CD226: variants seen among roughly 807,000 people sequenced by gnomAD.
The protein encoded by CD226 is CD226 antigen.
In CD226, 24 loss-of-function variants were observed where a neutral mutation model predicts 34.9. The ratio of observed to expected loss-of-function variants is 0.69; its 90% CI spans 0.50 to 0.97. The LOEUF (loss-of-function observed/expected upper bound fraction) is 0.97. Ranked by LOEUF, CD226 falls within the 50% of genes least tolerant of loss-of-function variation. The pLI is 0.00. For missense variants in CD226, 397 were observed against 412.7 expected, an observed-to-expected ratio of 0.96 and a Z score of 0.33; for synonymous variants, 148 against 147.4, an observed-to-expected ratio of 1.00 and a Z score of -0.03.
chr18:69,922,961 C>A (rs1378780026), intron 2 of CD226, among the ~76,000 whole-genome samples: 1 of 152,140 alleles, frequency 6.6e-6, no homozygotes, highest in South Asian at 2.1e-4. Context: ...GTGAAACCCC[C>A]ATCTCTACTA....
chr18:69,920,240 G>A (rs140301447), intron 2 of CD226, among the ~76,000 whole-genome samples: 21 of 152,132 alleles, frequency 1.4e-4, no homozygotes, highest in African/African-American at 5.1e-4. Context: ...AAACTGCTTT[G>A]CTTTCCTGGG....
chr18:69,875,395 C>T (rs1241557799), intron 3 of CD226, among the ~76,000 whole-genome samples: 1 of 152,168 alleles, frequency 6.6e-6, no homozygotes, highest in East Asian at 1.9e-4. Flanking sequence ...GCCTTGGCCT[C>T]CCAAAGTGCT....
At chr18:69,864,857 A>C (rs1983038711) in intron 5 of CD226, among the ~76,000 whole-genome samples, 1 of 152,250 alleles carries the variant, frequency 6.6e-6, no homozygotes, top group Admixed American at 6.5e-5. Flanking sequence ...TCTCTACCGT[A>C]ATCAAGTCAC....
At chr18:69,898,492 G>A (rs1471660545) in intron 2 of CD226, among the ~76,000 whole-genome samples, 1 of 152,174 alleles carries the variant, frequency 6.6e-6, no homozygotes, top group Non-Finnish European at 1.5e-5. Flanking sequence ...GGAAGCAATG[G>A]GGAAAATCCT....
chr18:69,858,139 C>G lies in CD226; in HGVS notation c.*6175G>C, dbSNP rs530222409. 2 of 152,264 alleles carry G rather than the reference C, an allele frequency of 1.3e-5. No homozygotes were observed. The highest frequency in any genetic ancestry group is 2.1e-4 in the South Asian group (1 of 4,828). 9.4% of individuals were successfully genotyped at this position (152,264 alleles called of 1,614,324 possible). A position where few individuals can be genotyped will look rare whatever the true frequency, so the allele number is the denominator to read the frequency against. ...TCGGCCATTATTGCAAAACTGCCAA[C>G]TGAGAATATTGATATAGATACTAAC... On this transcript the variant is annotated 3_prime_UTR_variant, in exon 6 of 6. Transcript: ENST00000582621.
chr18:69,902,688 C>A (rs958710071), intron 2 of CD226, among the ~76,000 whole-genome samples: 2 of 151,852 alleles, frequency 1.3e-5, no homozygotes, highest in African/African-American at 4.8e-5. Flanking sequence ...AAGTGCAAAT[C>A]AATAGCGCCT....
At chr18:69,941,569 C>T (rs1344133644) in intron 2 of CD226, among the ~76,000 whole-genome samples, 2 of 152,198 alleles carry the variant, frequency 1.3e-5, no homozygotes, top group Admixed American at 6.5e-5. Context: ...TTGCATGGAG[C>T]TAGTAGCCCC....
chr18:69,955,871 A>AAAT (rs1239028731), intron 1 of CD226, among the ~76,000 whole-genome samples: 4 of 150,648 alleles, frequency 2.7e-5, no homozygotes, highest in Non-Finnish European at 5.9e-5. Flanking sequence ...TCAAAAAAAA[A>AAAT]AAAAAAAAAA....
rs1982785634 is a variant in CD226, at chr18:69,861,019, A to G, written c.*3295T>C. On this transcript the variant is annotated 3_prime_UTR_variant, in exon 6 of 6. Coordinates refer to ENST00000582621, the MANE Select transcript of CD226 (RefSeq NM_001303618.2). Reference sequence around the variant, plus strand: ...TCTCTCAATTTAGAAAACTACTGTTATACAGCTGTAATTTTTACTTAATGC... The same window carrying G: ...TCTCTCAATTTAGAAAACTACTGTTGTACAGCTGTAATTTTTACTTAATGC... 6.6e-6 allele frequency: 1 copy of G among 152,102 alleles called. No homozygotes were observed. Among genetic ancestry groups the G allele is most frequent in the Non-Finnish European group, 1.5e-5 (1 of 67,938 alleles). 9.4% of individuals were successfully genotyped at this position (152,102 alleles called of 1,614,324 possible). A position where few individuals can be genotyped will look rare whatever the true frequency, so the allele number is the denominator to read the frequency against.
intron 2 of CD226, among the ~76,000 whole-genome samples, chr18:69,936,895 C>CT (rs1310905570): frequency 1.3e-5 from 2 of 152,224 alleles, no homozygotes; most frequent in Non-Finnish European, 2.9e-5. Flanking sequence ...AAGAAAGACT[C>CT]TTTCTCTGTG....
chr18:69,924,716 T>C (rs1350236244), intron 2 of CD226, among the ~76,000 whole-genome samples: 10 of 32,942 alleles, frequency 3.0e-4, no homozygotes, highest in African/African-American at 5.9e-4. Flanking sequence ...AAAAAAAGAA[T>C]CATTCAAACT....
intron 1 of CD226, among the ~76,000 whole-genome samples, chr18:69,954,880 C>CA (rs1046780036): frequency 1.3e-5 from 2 of 152,160 alleles, no homozygotes; most frequent in Non-Finnish European, 2.9e-5. Context: ...CAAATAGAGA[C>CA]AGCGCTTGAG....
At chr18:69,957,554 G>C (rs1199600505), upstream of CD226, among the ~76,000 whole-genome samples, 1 of 152,130 alleles carries the variant, frequency 6.6e-6, no homozygotes, top group Admixed American at 6.5e-5. Flanking sequence ...CCACCATGAA[G>C]GATTGTGGCT....
rs138336423 is a variant in CD226 at position 69,922,398 on chromosome 18, C to T, written c.382+24336G>A. Among the ~76,000 whole-genome samples, 1,177 of 152,294 alleles carry T rather than the reference C, an allele frequency of 7.7e-3. 17 individuals carry two copies. The highest frequency in any genetic ancestry group is 0.027 in the African/African-American group (1,118 of 41,554). Reference sequence around the variant, plus strand: ...CTGGGCACAGGCAGTCCTCCTGCCTCAGCCTCCCAAGTAGCTGGGACCACA... The same window carrying T: ...CTGGGCACAGGCAGTCCTCCTGCCTTAGCCTCCCAAGTAGCTGGGACCACA... On this transcript the variant is annotated intron_variant, in intron 2 of 5. Coordinates refer to ENST00000582621, the MANE Select transcript of CD226 (RefSeq NM_001303618.2).
rs148466554 is a variant in CD226 at position 69,865,097 on chromosome 18, A to G, written c.886-658T>C. Reference sequence around the variant, plus strand: ...AACCCCCACCTCCCAGGTTCAAGCAATTCTGCCTCAGCCTCACGAGTAGCT... The same window carrying G: ...AACCCCCACCTCCCAGGTTCAAGCAGTTCTGCCTCAGCCTCACGAGTAGCT... On this transcript the variant is annotated intron_variant, in intron 5 of 5. Transcript: ENST00000582621. Among the ~76,000 whole-genome samples the G allele has an allele frequency of 4.5e-3, 682 of 152,176 alleles. 12 individuals carry two copies. Among genetic ancestry groups the G allele is most frequent in the African/African-American group, 0.016 (652 of 41,512 alleles).
intron 3 of CD226, among the ~76,000 whole-genome samples, chr18:69,880,755 G>A (rs942030428): frequency 2.0e-5 from 3 of 151,332 alleles, no homozygotes; most frequent in Non-Finnish European, 4.4e-5. Context: ...GGGTTCAAGC[G>A]ATTCTCCTGC....
intron 2 of CD226, among the ~76,000 whole-genome samples, chr18:69,928,398 T>C (rs2055549295): frequency 6.6e-6 from 1 of 152,114 alleles, no homozygotes; most frequent in Admixed American, 6.6e-5. Flanking sequence ...CCTGCCCTCA[T>C]TCAGGACAGG....
At chr18:69,894,326 T>C (rs1304672171) in intron 3 of CD226, among the ~76,000 whole-genome samples, 2 of 96,656 alleles carry the variant, frequency 2.1e-5, no homozygotes, top group African/African-American at 4.3e-5. Flanking sequence ...AAGAGACAAA[T>C]GCCTAATACA....
chr18:69,882,694 C>T (rs1312321929), intron 3 of CD226, among the ~76,000 whole-genome samples: 1 of 152,198 alleles, frequency 6.6e-6, no homozygotes, highest in African/African-American at 2.4e-5. Flanking sequence ...TCAAGAGCTG[C>T]ACATACCTTT....
Sources: gnomAD v4.1 joint callset for allele counts (sites outside exome capture counted in the v4.1 genomes callset) on GRCh38, gnomAD v4.1.1 for gene constraint, MANE v1.5 for transcripts, NCBI Gene and HGNC (gene_info 2026-07-23, HGNC 2026-07-21) for gene names.